SAMSN1: variants seen among roughly 807,000 people sequenced by gnomAD.
SAMSN1 encodes the protein SAM domain, SH3 domain and nuclear localization signals 1.
SAMSN1 carries 31 observed loss-of-function variants against 42.0 expected under a neutral mutation model. The observed-to-expected ratio is 0.74, with a 90% CI of 0.55 to 1.00. SAMSN1 has a LOEUF of 1.00. Among genes scored for constraint, SAMSN1 ranks in the 50% least tolerant of loss-of-function variants. The pLI, the probability that SAMSN1 is intolerant of heterozygous loss-of-function variation, is 0.00. For synonymous variants in SAMSN1, 178 were observed against 151.9 expected, an observed-to-expected ratio of 1.17 and a Z score of -1.26; for missense variants, 464 against 439.4, an observed-to-expected ratio of 1.06 and a Z score of -0.50.
intron 2 of SAMSN1, among the ~76,000 whole-genome samples, chr21:14,626,926 A>G (rs1267329964): frequency 6.6e-6 from 1 of 152,210 alleles, no homozygotes; most frequent in Admixed American, 6.5e-5. Context: ...GCACATATAC[A>G]CCATGGAATA....
At chr21:14,532,837 C>A (rs573549455) in intron 1 of SAMSN1, among the ~76,000 whole-genome samples, 137 of 151,806 alleles carry the variant, frequency 9.0e-4, no homozygotes, top group Non-Finnish European at 1.4e-3. Flanking sequence ...TAATAACTTA[C>A]AATATAAAGA....
At chr21:14,504,789 C>T (rs8127259) in intron 5 of SAMSN1, among the ~76,000 whole-genome samples, 11,022 of 152,218 alleles carry the variant, frequency 0.072, 1,247 homozygotes, top group African/African-American at 0.25. Context: ...TGCCTAGGCA[C>T]ATTGTCATCA....
At chr21:14,564,089 T>C (rs1158344450) in intron 2 of SAMSN1, among the ~76,000 whole-genome samples, 1 of 152,180 alleles carries the variant, frequency 6.6e-6, no homozygotes, top group African/African-American at 2.4e-5. Context: ...TTTTTAAAAG[T>C]CTGATTTGCT....
At chr21:14,634,955 G>A (rs990509121) in intron 2 of SAMSN1, among the ~76,000 whole-genome samples, 1 of 152,168 alleles carries the variant, frequency 6.6e-6, no homozygotes, top group Admixed American at 6.5e-5. Flanking sequence ...ATGATAGACT[G>A]GAAAAGAAAA....
intron 1 of SAMSN1, among the ~76,000 whole-genome samples, chr21:14,536,855 A>C (rs1412806656): frequency 6.6e-6 from 1 of 152,208 alleles, no homozygotes; most frequent in Non-Finnish European, 1.5e-5. Context: ...GACAGCATGT[A>C]GTAAGTTACC....
At chr21:14,578,377 G>A (rs1981575761) in intron 2 of SAMSN1, among the ~76,000 whole-genome samples, 3 of 152,092 alleles carry the variant, frequency 2.0e-5, no homozygotes. Context: ...GCATATCTGG[G>A]TGAACAAGGA....
At chr21:14,504,827 G>A (rs982657354) in intron 5 of SAMSN1, among the ~76,000 whole-genome samples, 2 of 152,166 alleles carry the variant, frequency 1.3e-5, no homozygotes, top group South Asian at 4.1e-4. Flanking sequence ...ACAAAGGAAA[G>A]AATCTTAAGA....
upstream of SAMSN1, among the ~76,000 whole-genome samples, chr21:14,547,124 C>G (rs184584773): frequency 3.7e-4 from 56 of 152,078 alleles, no homozygotes; most frequent in African/African-American, 1.4e-3. Flanking sequence ...TGGATTAGAC[C>G]CATTCTAAAT....
At chr21:14,561,169 ATGACTCAAC>A (rs1980936487) in intron 2 of SAMSN1, among the ~76,000 whole-genome samples, 2 of 152,082 alleles carry the variant, frequency 1.3e-5, no homozygotes, top group African/African-American at 2.4e-5. Context: ...ACCCAGACTC[ATGACTCAAC>A]TGGTCATGTG....
chr21:14,640,781 T>C (rs1026637640), intron 2 of SAMSN1, among the ~76,000 whole-genome samples: 1 of 152,040 alleles, frequency 6.6e-6, no homozygotes, highest in Non-Finnish European at 1.5e-5. Context: ...AAAAGTGAAA[T>C]TGAGGGTTGA....
chr21:14,601,593 A>G (rs1162844254), intron 6 of SAMSN1, among the ~76,000 whole-genome samples: 1 of 152,142 alleles, frequency 6.6e-6, no homozygotes, highest in African/African-American at 2.4e-5. Flanking sequence ...TTAATGTTAC[A>G]TTACTATTAT....
intron 2 of SAMSN1, among the ~76,000 whole-genome samples, chr21:14,617,625 T>C (rs893582890): frequency 6.6e-6 from 1 of 152,224 alleles, no homozygotes; most frequent in Non-Finnish European, 1.5e-5. Context: ...TGGGTTTAGG[T>C]AAATCTCTTG....
intron 1 of SAMSN1, among the ~76,000 whole-genome samples, chr21:14,531,134 T>C (rs917719801): frequency 2.7e-4 from 41 of 152,218 alleles, no homozygotes; most frequent in African/African-American, 7.7e-4. Context: ...AAAGGTAATA[T>C]TGAAGATGAT....
intron 5 of SAMSN1, among the ~76,000 whole-genome samples, chr21:14,605,827 T>G (rs927893967): frequency 1.3e-5 from 2 of 149,274 alleles, no homozygotes; most frequent in Non-Finnish European, 3.0e-5. Context: ...TTTATTTATT[T>G]ATTTATTTAT....
At chr21:14,617,999 GCTTC>G (rs1982888340) in intron 2 of SAMSN1, among the ~76,000 whole-genome samples, 1 of 152,220 alleles carries the variant, frequency 6.6e-6, no homozygotes. Context: ...AACATAATTA[GCTTC>G]CGGTTTGAAG....
At chr21:14,634,092 G>A (rs1003478783) in intron 2 of SAMSN1, among the ~76,000 whole-genome samples, 1 of 151,748 alleles carries the variant, frequency 6.6e-6, no homozygotes, top group African/African-American at 2.4e-5. Flanking sequence ...ACGGTGCTGG[G>A]AAAACTGGCT....
At chr21:14,555,411 C>T (rs539442704) in intron 2 of SAMSN1, among the ~76,000 whole-genome samples, 37 of 152,304 alleles carry the variant, frequency 2.4e-4, no homozygotes, top group Admixed American at 1.7e-3. Context: ...TCTTCCTTCA[C>T]CCTGCCTTTT....
intron 3 of SAMSN1, among the ~76,000 whole-genome samples, chr21:14,514,932 T>A (rs1280041901): frequency 1.3e-5 from 2 of 152,038 alleles, no homozygotes; most frequent in Non-Finnish European, 2.9e-5. Flanking sequence ...GTAGATGAGC[T>A]GACTTAAGGG....
chr21:14,620,598 C>T (rs758036349), intron 2 of SAMSN1, among the ~76,000 whole-genome samples: 2 of 152,120 alleles, frequency 1.3e-5, no homozygotes, highest in Non-Finnish European at 2.9e-5. Context: ...TTCATGTACC[C>T]CTCATTGTTT....
Sources: allele counts gnomAD v4.1 joint callset (sites outside exome capture counted in the v4.1 genomes callset), GRCh38; gene constraint gnomAD v4.1.1; transcripts MANE v1.5; gene names NCBI Gene and HGNC (gene_info 2026-07-23, HGNC 2026-07-21).